The following IMMP2L variants were observed in gnomAD, a reference collection of about 807,000 sequenced individuals.
IMMP2L encodes mitochondrial inner membrane protease subunit 2.
Under a neutral mutation model 19.3 loss-of-function variants are expected in IMMP2L, and 18 were observed. The ratio of observed to expected loss-of-function variants is 0.93; its 90% confidence interval spans 0.64 to 1.38. The LOEUF is 1.38. Among genes scored for constraint, IMMP2L ranks in the 40% most tolerant of loss-of-function variants. IMMP2L has a pLI of 0.00. For missense variants in IMMP2L, 233 were observed against 218.2 expected, an observed-to-expected ratio of 1.07 and a Z score of -0.43; for synonymous variants, 76 against 73.0, an observed-to-expected ratio of 1.04 and a Z score of -0.21.
intron 5 of IMMP2L, among the ~76,000 whole-genome samples, chr7:110,704,495 T>C (rs895943400): frequency 3.3e-5 from 5 of 152,236 alleles, no homozygotes; most frequent in Admixed American, 6.5e-5. Flanking sequence ...CATTTTGTTA[T>C]GTGGTGAATT....
At chr7:111,083,771 A>C (rs984011090) in intron 3 of IMMP2L, among the ~76,000 whole-genome samples, 3 of 152,198 alleles carry the variant, frequency 2.0e-5, no homozygotes, top group Admixed American at 2.0e-4. Context: ...AACTCAACAA[A>C]TGCTATTTAA....
intron 3 of IMMP2L, among the ~76,000 whole-genome samples, chr7:111,211,394 T>C (rs1224698442): frequency 6.6e-6 from 1 of 151,978 alleles, no homozygotes; most frequent in Non-Finnish European, 1.5e-5. Context: ...AGGAAAGACA[T>C]AAGAAAGACA....
chr7:110,916,620 C>G (rs891540433), intron 4 of IMMP2L, among the ~76,000 whole-genome samples: 23 of 152,142 alleles, frequency 1.5e-4, no homozygotes, highest in African/African-American at 5.1e-4. Context: ...TCCTCCATCC[C>G]CACACAGATG....
intron 4 of IMMP2L, among the ~76,000 whole-genome samples, chr7:110,921,043 AAAG>A (rs1394233541): frequency 6.6e-6 from 1 of 152,194 alleles, no homozygotes; most frequent in Admixed American, 6.6e-5. Flanking sequence ...AAGAGAGAAA[AAAG>A]AATAAGAATT....
intron 5 of IMMP2L, among the ~76,000 whole-genome samples, chr7:110,775,908 C>T (rs1799352671): frequency 6.6e-6 from 1 of 151,374 alleles, no homozygotes; most frequent in Admixed American, 6.6e-5. Flanking sequence ...CCAGAGGCAA[C>T]AAAGTCAACT....
At chr7:111,242,525 C>G (rs935648738) in intron 3 of IMMP2L, among the ~76,000 whole-genome samples, 1 of 152,034 alleles carries the variant, frequency 6.6e-6, no homozygotes, top group Non-Finnish European at 1.5e-5. Context: ...GAAAAAAATC[C>G]AATGAGCTAC....
At chr7:111,179,100 T>C (rs1015735977) in intron 3 of IMMP2L, among the ~76,000 whole-genome samples, 8 of 152,030 alleles carry the variant, frequency 5.3e-5, no homozygotes, top group Non-Finnish European at 8.8e-5. Context: ...GCAAAATAAA[T>C]GTTGTGTTAG....
intron 5 of IMMP2L, among the ~76,000 whole-genome samples, chr7:110,886,328 T>C (rs1810218183): frequency 6.6e-6 from 1 of 152,048 alleles, no homozygotes; most frequent in African/African-American, 2.4e-5. Context: ...TGGAATAAGG[T>C]AGTTGGCCAA....
intron 3 of IMMP2L, among the ~76,000 whole-genome samples, chr7:111,250,830 A>G (rs1816021643): frequency 6.6e-6 from 1 of 152,194 alleles, no homozygotes; most frequent in Admixed American, 6.5e-5. Flanking sequence ...ATTATCATTC[A>G]GGACATAGGC....
intron 3 of IMMP2L, among the ~76,000 whole-genome samples, chr7:111,462,460 T>G (rs941948278): frequency 6.6e-6 from 1 of 152,126 alleles, no homozygotes; most frequent in Non-Finnish European, 1.5e-5. Context: ...AAATTAATGA[T>G]CAGGATATTA....
chr7:111,126,117 C>T (rs985374854), intron 3 of IMMP2L, among the ~76,000 whole-genome samples: 4 of 152,120 alleles, frequency 2.6e-5, no homozygotes, highest in Admixed American at 2.6e-4. Flanking sequence ...GCCACCACGC[C>T]AGGTCTAGGC....
intron 3 of IMMP2L, among the ~76,000 whole-genome samples, chr7:111,235,166 C>T (rs1351201161): frequency 6.6e-6 from 1 of 151,978 alleles, no homozygotes; most frequent in Non-Finnish European, 1.5e-5. Flanking sequence ...GATATTTTCA[C>T]TAGGTATAAA....
chr7:111,146,776 G>A (rs1164193652), intron 3 of IMMP2L, among the ~76,000 whole-genome samples: 3 of 152,126 alleles, frequency 2.0e-5, no homozygotes, highest in African/African-American at 4.8e-5. Context: ...AAAACAAATC[G>A]ATATTGTTCT....
At chr7:111,107,982 C>T (rs949868460) in intron 3 of IMMP2L, among the ~76,000 whole-genome samples, 2 of 152,126 alleles carry the variant, frequency 1.3e-5, no homozygotes, top group African/African-American at 4.8e-5. Context: ...CAGATATTGT[C>T]TTGATTTGCA....
At chr7:111,409,327 C>T (rs1834169602) in intron 3 of IMMP2L, among the ~76,000 whole-genome samples, 1 of 151,510 alleles carries the variant, frequency 6.6e-6, no homozygotes, top group Non-Finnish European at 1.5e-5. Context: ...CAGCCCACAG[C>T]TAAAAATTTG....
intron 3 of IMMP2L, among the ~76,000 whole-genome samples, chr7:111,059,441 G>A (rs902931289): frequency 2.3e-4 from 35 of 152,012 alleles, no homozygotes; most frequent in African/African-American, 8.0e-4. Flanking sequence ...ATTGTTCTAG[G>A]GAAAAGTAAG....
At chr7:110,752,366 A>G (rs1797776834) in intron 5 of IMMP2L, among the ~76,000 whole-genome samples, 1 of 152,070 alleles carries the variant, frequency 6.6e-6, no homozygotes, top group African/African-American at 2.4e-5. Flanking sequence ...CAATGATCAT[A>G]GAATTTTTGG....
At chr7:111,400,009 A>C (rs1434803659) in intron 3 of IMMP2L, among the ~76,000 whole-genome samples, 1 of 152,130 alleles carries the variant, frequency 6.6e-6, no homozygotes, top group Non-Finnish European at 1.5e-5. Flanking sequence ...GATTTGCCCC[A>C]GAAGTCTTTT....
Position 110,741,103 on chromosome 7 carries a change from C to T in IMMP2L, c.409-77382G>A, listed in dbSNP as rs138834495. 1.1e-3 allele frequency among the ~76,000 whole-genome samples: 172 copies of T among 152,146 alleles called. 2 individuals carry two copies. The East Asian group carries it at 0.025, about 22-fold the overall frequency. ...ACCAGTCCAGATGACCATCAATCAA[C>T]GAGTGGATAAAGAAAATGTTTATAT... On this transcript the variant is annotated intron_variant, in intron 5 of 5. Coordinates refer to ENST00000405709, the MANE Select transcript of IMMP2L (RefSeq NM_032549.4).
Sources: gnomAD v4.1 joint callset for allele counts (sites outside exome capture counted in the v4.1 genomes callset) on GRCh38, gnomAD v4.1.1 for gene constraint, MANE v1.5 for transcripts, NCBI Gene and HGNC (gene_info 2026-07-23, HGNC 2026-07-21) for gene names.